The following PRKDC variants were observed in gnomAD, a reference collection of about 807,000 sequenced individuals.
PRKDC encodes the protein DNA-dependent protein kinase catalytic subunit.
PRKDC carries 82 observed loss-of-function variants against 486.9 expected under a neutral mutation model. The ratio of observed to expected loss-of-function variants is 0.17; its 90% CI spans 0.14 to 0.20. The LOEUF is 0.20. Among genes scored for constraint, PRKDC ranks in the 10% least tolerant of loss-of-function variants. PRKDC has a pLI of 1.00. For synonymous variants in PRKDC, 1,895 were observed against 1,837.0 expected (o/e 1.03, Z -0.81); for missense variants, 4,504 against 5,038.2 (o/e 0.89, Z 3.21).
At position 47,939,853 on chromosome 8, in the gene PRKDC, T is replaced by C. The variant is rs376020019; in HGVS notation, c.967-156A>G. ...TAAAGACCCTTTGCTTCCATTTTGC[T>C]TAGTCTCTATCAGGTTCAGAAAAGT... On this transcript the variant is annotated intron_variant, in intron 10 of 85. Transcript: ENST00000314191. 1.4e-4 allele frequency: 89 copies of C among 628,806 alleles called. No individual in the cohort carries two copies. The African/African-American group carries it at 1.6e-3, about 11-fold the overall frequency. 39.0% of individuals were successfully genotyped at this position (628,806 alleles called of 1,614,324 possible). A position where few individuals can be genotyped will look rare whatever the true frequency, so the allele number is the denominator to read the frequency against.
intron 52 of PRKDC, among the ~76,000 whole-genome samples, chr8:47,852,321 G>C (rs946925219): frequency 2.0e-5 from 3 of 152,122 alleles, no homozygotes; most frequent in Admixed American, 1.3e-4. Context: ...AATGGACTGG[G>C]GGAGGACAGC....
rs556136073 is a variant in PRKDC at position 47,896,256 on chromosome 8, T to C, written c.3598+905A>G. Among the ~76,000 whole-genome samples, 7 of 152,134 alleles carry C rather than the reference T, an allele frequency of 4.6e-5. No homozygotes were observed. The South Asian group carries it at 1.2e-3, about 27-fold the overall frequency. ...GTATATAACATTATAATATATCCTA[T>C]AGTATGACAAAATGTAAAGTCCTTT... On this transcript the variant is annotated intron_variant, in intron 30 of 85. Coordinates refer to ENST00000314191, the MANE Select transcript of PRKDC (RefSeq NM_006904.7).
rs1016645278 is a variant in PRKDC, at chr8:47,933,970, T to C, written c.1618A>G (p.Met540Val). ...LFRHLLSSDQ[M>V]MDSILADEAF... ...CTTTCAATGGTAAATGTTACCATCA[T>C]CTGGTCAGAGCTCAGGAGATGTCTG... The change falls in exon 15 of 86, where the codon ATG (methionine) becomes GTG (valine). Residue 540 changes from methionine to valine, a missense_variant. Physicochemically the swap from Met to Val is conservative, Grantham distance 21. This residue lies in a region of PRKDC where 1,969 missense variants were observed against 2,068.9 expected (regional missense o/e 0.95). Transcript: ENST00000314191. 1 of 1,610,208 alleles carries C rather than the reference T, an allele frequency of 6.2e-7. No homozygotes were observed. Among genetic ancestry groups the C allele is most frequent in the Non-Finnish European group, 8.5e-7 (1 of 1,178,198 alleles).
intron 69 of PRKDC, 65 bp from the exon 70 acceptor site, chr8:47,803,545 T>C (rs1021586872): frequency 4.0e-6 from 6 of 1,498,466 alleles, no homozygotes; most frequent in East Asian, 4.5e-5. Context: ...AAGTTTCTAA[T>C]TGGCCTGCTT....
chr8:47,802,224 G>A (rs1376286554), intron 70 of PRKDC, among the ~76,000 whole-genome samples: 1 of 151,894 alleles, frequency 6.6e-6, no homozygotes, highest in Non-Finnish European at 1.5e-5. Context: ...CTATGGGTGC[G>A]TGCCACCACA....
Position 47,863,489 on chromosome 8 carries a change from T to C in PRKDC, c.5660A>G (p.Asp1887Gly). Residue 1887 changes from aspartate to glycine, a missense_variant, in exon 42 of 86, where the codon GAT becomes GGT. Around this residue, in one of 6 missense-constraint regions of PRKDC, gnomAD observed 80 missense variants for 132.3 expected, o/e 0.60. Transcript: ENST00000314191. Reference sequence around the variant, plus strand: ...TTTTGATTCCTTAGCATGAACATCATCTTTGGGAAGGCGAGAATACATCAC... The same window carrying C: ...TTTTGATTCCTTAGCATGAACATCACCTTTGGGAAGGCGAGAATACATCAC... ...LDVMYSRLPK[D>G]DVHAKESKIN... 6.2e-7 allele frequency: 1 copy of C among 1,612,530 alleles called. No individual in the cohort carries two copies. Among genetic ancestry groups the C allele is most frequent in the Non-Finnish European group, 8.5e-7 (1 of 1,178,946 alleles).
chr8:47,783,677 C>T (rs2086738418), intron 78 of PRKDC, 65 bp downstream of exon 78: 3 of 1,517,974 alleles, frequency 2.0e-6, no homozygotes, highest in Non-Finnish European at 2.7e-6. Context: ...TAAAGGCAAA[C>T]AGATCATTCT....
chr8:47,815,377 A>G (rs1441723762), intron 68 of PRKDC, among the ~76,000 whole-genome samples: 1 of 152,194 alleles, frequency 6.6e-6, no homozygotes, highest in Non-Finnish European at 1.5e-5. Context: ...TCTATATGGA[A>G]AAAGTAAACA....
chr8:47,800,171 C>T (rs371391257), intron 71 of PRKDC, among the ~76,000 whole-genome samples: 17 of 151,880 alleles, frequency 1.1e-4, no homozygotes, highest in Non-Finnish European at 2.1e-4. Flanking sequence ...ATGTTTATTG[C>T]GGCACTATTC....
chr8:47,904,175 T>C (rs776195431), intron 26 of PRKDC, among the ~76,000 whole-genome samples: 87 of 152,242 alleles, frequency 5.7e-4, no homozygotes, highest in Admixed American at 1.4e-3. Context: ...GAGTTCTGTG[T>C]AAAAGGTGAA....
At position 47,795,192 on chromosome 8, in the gene PRKDC, T is replaced by C. The variant is rs866708593; in HGVS notation, c.10459-691A>G. ...TGAGCCACCGTGCCTGGCCAACTCT[T>C]TTTTTTTTTTTTTTCTTGAGACAGA... On this transcript the variant is annotated intron_variant, in intron 73 of 85. Coordinates refer to ENST00000314191, the MANE Select transcript of PRKDC (RefSeq NM_006904.7). 2.0e-3 allele frequency among the ~76,000 whole-genome samples: 293 copies of C among 143,210 alleles called. 2 individuals are homozygous for C. Among genetic ancestry groups the C allele is most frequent in the African/African-American group, 7.1e-3 (277 of 38,750 alleles). 94.0% of individuals were successfully genotyped at this position (143,210 alleles called of 152,430 possible). A position where few individuals can be genotyped will look rare whatever the true frequency, so the allele number is the denominator to read the frequency against.
chr8:47,787,292 C>G (rs1345084388), intron 76 of PRKDC, among the ~76,000 whole-genome samples: 3 of 152,186 alleles, frequency 2.0e-5, no homozygotes, highest in Non-Finnish European at 4.4e-5. Flanking sequence ...TATTTTAAGA[C>G]AATCCACTAT....
chr8:47,901,731 A>G (rs2089686374), intron 27 of PRKDC, among the ~76,000 whole-genome samples: 1 of 152,094 alleles, frequency 6.6e-6, no homozygotes, highest in South Asian at 2.1e-4. Flanking sequence ...TCCAACATAG[A>G]CACAGGTCTG....
Position 47,881,906 on chromosome 8 carries a change from G to A in PRKDC, c.4962+6C>T, listed in dbSNP as rs2154501516. The A allele has an allele frequency of 6.3e-7, 1 of 1,598,894 alleles. No homozygotes were observed. Among genetic ancestry groups the A allele is most frequent in the Non-Finnish European group, 8.5e-7 (1 of 1,170,902 alleles). Reference sequence around the variant, plus strand: ...AACATGACTGCTTTTTAAAGGAATTGAATACCTGTAAAATTTTTGCCAGTA... The same window carrying A: ...AACATGACTGCTTTTTAAAGGAATTAAATACCTGTAAAATTTTTGCCAGTA... On this transcript the variant is annotated splice_donor_region_variant and intron_variant, in intron 37 of 85. Transcript: ENST00000314191.
In PRKDC at chr8:47,848,653, G is replaced by GA. The variant is rs200253108; in HGVS notation, c.7280+500dup. ...TTCAAAAATAAAAGTTGAAAAAAATGAAAAAAAAAAAAAAGGTATATGGAC... is the reference window on the plus strand; with the variant it reads ...TTCAAAAATAAAAGTTGAAAAAAATGAAAAAAAAAAAAAAAGGTATATGGAC... On this transcript the variant is annotated intron_variant, in intron 54 of 85. Coordinates refer to ENST00000314191, the MANE Select transcript of PRKDC (RefSeq NM_006904.7). Among the ~76,000 whole-genome samples, 988 of 109,082 alleles carry GA rather than the reference G, an allele frequency of 9.1e-3. 5 individuals are homozygous for GA. Among genetic ancestry groups the GA allele is most frequent in the African/African-American group, 0.019 (580 of 29,856 alleles). 71.6% of individuals were successfully genotyped at this position (109,082 alleles called of 152,430 possible).
rs1273820319 is a variant in PRKDC at position 47,877,709 on chromosome 8, G to A, written c.5363+15C>T. 2.4e-5 allele frequency: 38 copies of A among 1,568,382 alleles called. No homozygotes were observed. The highest frequency in any genetic ancestry group is 3.3e-5 in the Non-Finnish European group (38 of 1,156,238). ...ATGCGTATGGTTCCTGAGATCCCAG[G>A]CCAGAATGACTTACCTTCTGGCAAT... On this transcript the variant is annotated intron_variant, in intron 40 of 85. Transcript: ENST00000314191.
chr8:47,836,362 C>A lies in PRKDC; in HGVS notation c.7927G>T (p.Asp2643Tyr). ...CCTGCAGTCTGTGTCAGTGTGAAGT[C>A]ATGCTGCTGCTGGGTGGCCCTTATC... The part of the protein sequence containing the change: ...GQIRATQQQH[D>Y]FTLTQTADGR... Residue 2643 changes from aspartate to tyrosine, a missense_variant, in exon 58 of 86, where the codon GAC (aspartate) becomes TAC (tyrosine). This residue lies in a region of PRKDC where 1,592 missense variants were observed against 1,724.6 expected (regional missense o/e 0.92). Transcript: ENST00000314191. The A allele has an allele frequency of 6.2e-7, 1 of 1,601,690 alleles. No homozygotes were observed. Among genetic ancestry groups the A allele is most frequent in the South Asian group, 1.1e-5 (1 of 89,722 alleles).
intron 49 of PRKDC, among the ~76,000 whole-genome samples, chr8:47,855,600 T>C (rs372013212): frequency 3.5e-4 from 53 of 152,354 alleles, no homozygotes; most frequent in African/African-American, 6.5e-4. Context: ...TGCAGGCTGC[T>C]AGCCACCATG....
rs190254644 is a variant in PRKDC at position 47,866,697 on chromosome 8, C to T, written c.5364-1934G>A. On this transcript the variant is annotated intron_variant, in intron 40 of 85. Coordinates refer to ENST00000314191, the MANE Select transcript of PRKDC (RefSeq NM_006904.7). ...TGAATGTTTCACAATGTTGGCCAGA[C>T]AGTAGTGAAACAGATACACTAGTAT... 7.7e-4 allele frequency among the ~76,000 whole-genome samples: 117 copies of T among 152,182 alleles called. 3 individuals carry two copies. In the South Asian group the frequency reaches 0.016, roughly 21 times the overall value.
Sources: allele counts gnomAD v4.1 joint callset (sites outside exome capture counted in the v4.1 genomes callset), GRCh38; gene constraint gnomAD v4.1.1; regional missense constraint gnomAD v4.1.1; transcripts MANE v1.5; gene names NCBI Gene and HGNC (gene_info 2026-07-23, HGNC 2026-07-21).